Variants in WASHC2C observed in about 807,000 individuals in gnomAD.
WASHC2C encodes the protein Vaccinia Penetration Factor.
WASHC2C carries 73 observed loss-of-function variants against 142.2 expected under a neutral mutation model. That is an observed-to-expected ratio of 0.51 (90% confidence interval 0.43 to 0.62). The LOEUF (loss-of-function observed/expected upper bound fraction) is 0.62, where lower values mean the gene tolerates loss of function less well. WASHC2C is among the 20% of genes least tolerant of loss of function. The pLI is 0.00. For missense variants in WASHC2C, 969 were observed against 1,531.7 expected (o/e 0.63, Z 6.13); for synonymous variants, 337 against 565.5 (o/e 0.60, Z 5.73).
chr10:45,747,780 T>C (rs2053027893), intron 8 of WASHC2C, among the ~76,000 whole-genome samples: 1 of 150,314 alleles, frequency 6.7e-6, no homozygotes, highest in African/African-American at 2.5e-5. Flanking sequence ...TTTAGTGGAG[T>C]CAGGGTCTTC....
intron 8 of WASHC2C, among the ~76,000 whole-genome samples, chr10:45,748,283 CTTTTTTTTTT>C: frequency 1.7e-5 from 1 of 57,192 alleles, no homozygotes; most frequent in Non-Finnish European, 3.0e-5. Context: ...TTTTTCTTTC[CTTTTTTTTTT>C]TTTTTTTTTT....
chr10:45,757,201 G>A (rs200889092), intron 16 of WASHC2C, 62 bp downstream of exon 16: 94,841 of 1,609,650 alleles, frequency 0.059, 3,315 homozygotes, highest in East Asian at 0.17. Context: ...TAATTCATCC[G>A]GAACCCAGAG....
intron 3 of WASHC2C, among the ~76,000 whole-genome samples, chr10:45,732,829 A>G (rs1338853937): frequency 1.3e-5 from 2 of 152,276 alleles, no homozygotes; most frequent in African/African-American, 4.8e-5. Context: ...CTACTTTTCT[A>G]TTGAAGAAAC....
chr10:45,774,163 A>C (rs1242751429), intron 21 of WASHC2C, among the ~76,000 whole-genome samples: 1 of 48,630 alleles, frequency 2.1e-5, no homozygotes, highest in Non-Finnish European at 4.0e-5. Flanking sequence ...ATGGAAGAAG[A>C]CCCTTCCTGT....
chr10:45,754,831 G>C lies in WASHC2C; in HGVS notation c.1241-105G>C, dbSNP rs1193748213. The C allele has an allele frequency of 8.4e-6, 12 of 1,428,988 alleles. No individual in the cohort carries two copies. In the East Asian group the frequency reaches 3.0e-4, roughly 35 times the overall value. The allele number at this position is 1,428,988 out of a possible 1,614,324, so 88.5% of individuals were successfully genotyped here. ...ATTGGGCCCTGTTATGCATTTTGTGGATTAACTGAAATGGAAAGTTTTTGG... is the reference window on the plus strand; with the variant it reads ...ATTGGGCCCTGTTATGCATTTTGTGCATTAACTGAAATGGAAAGTTTTTGG... On this transcript the variant is annotated intron_variant, in intron 14 of 30. Transcript: ENST00000623400.
chr10:45,768,373 C>T (rs1554883306), intron 19 of WASHC2C, among the ~76,000 whole-genome samples: 1 of 151,964 alleles, frequency 6.6e-6, no homozygotes, highest in Non-Finnish European at 1.5e-5. Context: ...TGGATTTCAG[C>T]GTTTAGTCAC....
rs781924091 is a variant in WASHC2C at position 45,785,615 on chromosome 10, A to C, written c.2795A>C (p.Lys932Thr). The C allele has an allele frequency of 6.8e-6, 11 of 1,613,722 alleles. No homozygotes were observed. The African/African-American group carries it at 1.5e-4, about 22-fold the overall frequency. Reference sequence around the variant, plus strand: ...GGTAGTAAAGAAAAAGGCATATGGAAGCCGGAAACACCTCAGGTTAGAAAT... The same window carrying C: ...GGTAGTAAAGAAAAAGGCATATGGACGCCGGAAACACCTCAGGTTAGAAAT... ...IQGSKEKGIW[K>T]PETPQDSSGL... Residue 932 changes from lysine (K) to threonine (T), a missense_variant, in exon 26 of 31, where the codon AAG becomes ACG. Physicochemically the swap from Lys to Thr is moderately conservative, Grantham distance 78 (BLOSUM62 -1). Transcript: ENST00000623400.
rs782647880 is a variant in WASHC2C, at chr10:45,777,410, G to A, written c.2280G>A (p.Val760=). 6.8e-6 allele frequency: 11 copies of A among 1,610,062 alleles called. 1 individual carries two copies. The Admixed American group carries it at 1.5e-4, about 22-fold the overall frequency. Residue 760 remains valine, a synonymous_variant, in exon 22 of 31, where the codon GTG becomes GTA. Transcript: ENST00000623400. The part of the protein sequence containing the change: ...KESLKFGRTD[V]AESEKEGLLT... ...CATTAAAATTTGGGAGAACTGATGTGGCTGAGTCAGAAAAGGTGGACTTTT... is the reference window on the plus strand; with the variant it reads ...CATTAAAATTTGGGAGAACTGATGTAGCTGAGTCAGAAAAGGTGGACTTTT...
In WASHC2C at chr10:45,792,761, T is replaced by C; in HGVS notation, c.*361T>C. On this transcript the variant is annotated 3_prime_UTR_variant, in exon 31 of 31. Coordinates refer to ENST00000623400, the MANE Select transcript of WASHC2C (RefSeq NM_001330074.2). Reference sequence around the variant, plus strand: ...CACCTGACCAGAAGTCTTTGTTATATGGATGGGAACCCTAACTTAGGGCTT... The same window carrying C: ...CACCTGACCAGAAGTCTTTGTTATACGGATGGGAACCCTAACTTAGGGCTT... The C allele has an allele frequency of 2.0e-6, 1 of 505,702 alleles. No individual in the cohort carries two copies. 31.3% of individuals were successfully genotyped at this position (505,702 alleles called of 1,614,324 possible). A position where few individuals can be genotyped will look rare whatever the true frequency, so the allele number is the denominator to read the frequency against.
chr10:45,749,602 A>G (rs1441024843), intron 8 of WASHC2C, among the ~76,000 whole-genome samples: 4 of 151,286 alleles, frequency 2.6e-5, no homozygotes, highest in African/African-American at 7.3e-5. Flanking sequence ...AGGCGGGTGG[A>G]TCACCTGAAG....
At chr10:45,736,928 C>T (rs1554865024) in intron 3 of WASHC2C, among the ~76,000 whole-genome samples, 1 of 152,100 alleles carries the variant, frequency 6.6e-6, no homozygotes, top group Non-Finnish European at 1.5e-5. Context: ...AGATTTTCAT[C>T]AGTTCATTTA....
At chr10:45,728,732 A>C (rs946057143) in intron 2 of WASHC2C, 130 bp from the exon 3 acceptor site, 91 of 849,362 alleles carry the variant, frequency 1.1e-4, no homozygotes, top group Non-Finnish European at 1.3e-4. Context: ...CTCTCTCTCA[A>C]AAAAAAAAAA....
chr10:45,749,413 C>A (rs546753791), intron 8 of WASHC2C, among the ~76,000 whole-genome samples: 28 of 150,538 alleles, frequency 1.9e-4, no homozygotes, highest in Non-Finnish European at 3.5e-4. Context: ...TCAGCCTGGG[C>A]AAAAAGAGCG....
In WASHC2C at chr10:45,745,441, G is replaced by C. The variant is rs1289062825; in HGVS notation, c.684+559G>C. On this transcript the variant is annotated intron_variant, in intron 7 of 30. Transcript: ENST00000623400. ...TAGTTGTTCTTTAGATGGGATATTC[G>C]TTATTGGAAAGGACACAGCCATGTT... Among the ~76,000 whole-genome samples the C allele has an allele frequency of 3.3e-5, 5 of 151,948 alleles. No homozygotes were observed. In the South Asian group the frequency reaches 8.3e-4, roughly 25 times the overall value.
chr10:45,742,307 T>A (rs1483013138), intron 5 of WASHC2C, among the ~76,000 whole-genome samples: 30 of 150,866 alleles, frequency 2.0e-4, no homozygotes, highest in African/African-American at 3.1e-4. Context: ...TTATAATCTT[T>A]TTTATTTATT....
rs1247768566 is a variant in WASHC2C, at chr10:45,762,715, C to T, written c.1636-673C>T. Among the ~76,000 whole-genome samples the T allele has an allele frequency of 3.9e-5, 6 of 152,082 alleles. No individual in the cohort carries two copies. In the East Asian group the frequency reaches 1.2e-3, roughly 29 times the overall value. On this transcript the variant is annotated intron_variant, in intron 17 of 30. Coordinates refer to ENST00000623400, the MANE Select transcript of WASHC2C (RefSeq NM_001330074.2). ...GGTCAGGAGATCGAGACCATCCTGG[C>T]TAACATGGTGAAACCCCGTCTCTAC...
chr10:45,782,415 A>G (rs1227031445), intron 23 of WASHC2C, among the ~76,000 whole-genome samples: 2 of 147,806 alleles, frequency 1.4e-5, no homozygotes, highest in Non-Finnish European at 3.0e-5. Context: ...ACCACTTCAT[A>G]CCCGGGAAGA....
chr10:45,763,229 C>A (rs1445480712), intron 17 of WASHC2C, among the ~76,000 whole-genome samples, 159 bp from the exon 18 acceptor site: 1 of 152,040 alleles, frequency 6.6e-6, no homozygotes, highest in African/African-American at 2.4e-5. Flanking sequence ...ACCCTGAGGC[C>A]TATCCCTTTA....
chr10:45,747,873 C>T (rs1554871919), intron 8 of WASHC2C, among the ~76,000 whole-genome samples: 2 of 149,894 alleles, frequency 1.3e-5, no homozygotes, highest in African/African-American at 5.0e-5. Context: ...GTATGAGCCA[C>T]CACGCCCAGC....
Sources: allele counts gnomAD v4.1 joint callset (sites outside exome capture counted in the v4.1 genomes callset), GRCh38; gene constraint gnomAD v4.1.1; transcripts MANE v1.5; gene names NCBI Gene and HGNC (gene_info 2026-07-23, HGNC 2026-07-21).